Variants in FBXO4 observed in about 807,000 individuals in gnomAD.
FBXO4 encodes the protein F-box only protein 4.
A neutral mutation model predicts 43.7 loss-of-function variants in FBXO4; 36 were observed. The observed-to-expected ratio is 0.82, with a 90% confidence interval of 0.63 to 1.09. The LOEUF (loss-of-function observed/expected upper bound fraction) is 1.09, where lower values mean the gene tolerates loss of function less well. Ranked by LOEUF, FBXO4 falls within the 50% of genes least tolerant of loss-of-function variation. The probability of loss-of-function intolerance (pLI) is 0.00; values close to 1 mark genes in which losing one functional copy is unlikely to be tolerated. For missense variants in FBXO4, 435 were observed against 474.1 expected, an observed-to-expected ratio of 0.92 and a Z score of 0.77; for synonymous variants, 180 against 165.6, an observed-to-expected ratio of 1.09 and a Z score of -0.67.
At chr5:41,996,862 C>T in the FBXO4 span, among the ~76,000 whole-genome samples, 1 of 152,184 alleles carries the variant, frequency 6.6e-6, no homozygotes, top group South Asian at 2.1e-4. Context: ...AGATTTATTT[C>T]CCATCCTCTG....
At chr5:41,939,142 G>A (rs1751930304) in intron 5 of FBXO4, among the ~76,000 whole-genome samples, 2 of 152,166 alleles carry the variant, frequency 1.3e-5, no homozygotes, top group South Asian at 2.1e-4. Context: ...CCAATAGAAG[G>A]TTGAGATTGT....
intron 3 of FBXO4, among the ~76,000 whole-genome samples, chr5:41,932,871 G>GAACCAGCC (rs1309706800): frequency 1.6e-4 from 25 of 152,170 alleles, no homozygotes; most frequent in Non-Finnish European, 3.1e-4. Context: ...GGCAAAAGGA[G>GAACCAGCC]AACCAGCCAC....
the FBXO4 span, among the ~76,000 whole-genome samples, chr5:42,025,041 A>G: frequency 5.3e-5 from 8 of 151,588 alleles, no homozygotes; most frequent in Non-Finnish European, 2.9e-5. Flanking sequence ...CAATATATTG[A>G]TTTTCTTTCT....
the FBXO4 span, among the ~76,000 whole-genome samples, chr5:41,962,907 C>A: frequency 6.6e-6 from 1 of 152,130 alleles, no homozygotes; most frequent in Non-Finnish European, 1.5e-5. Flanking sequence ...AGCTTTCTCC[C>A]TTTTCCACTG....
the FBXO4 span, among the ~76,000 whole-genome samples, chr5:42,002,271 T>C: frequency 0.013 from 2,042 of 152,306 alleles, 53 homozygotes; most frequent in African/African-American, 0.047. Flanking sequence ...CAGAGGGTCG[T>C]TGTGCACACA....
the FBXO4 span, among the ~76,000 whole-genome samples, chr5:41,963,232 A>G: frequency 6.6e-6 from 1 of 151,686 alleles, no homozygotes; most frequent in Non-Finnish European, 1.5e-5. Context: ...CACATAATAT[A>G]TATGCTATAT....
the FBXO4 span, among the ~76,000 whole-genome samples, chr5:41,986,536 T>C: frequency 2.0e-5 from 3 of 152,144 alleles, no homozygotes; most frequent in African/African-American, 7.2e-5. Context: ...TCAATGAGGT[T>C]TAGGACAAAG....
the FBXO4 span, among the ~76,000 whole-genome samples, chr5:41,971,096 G>A: frequency 4.7e-4 from 71 of 151,994 alleles, 1 homozygote; most frequent in East Asian, 0.011. Flanking sequence ...CATAGTCTCA[G>A]CAGTAGATGA....
At chr5:42,009,376 T>C in the FBXO4 span, among the ~76,000 whole-genome samples, 4 of 8,252 alleles carry the variant, frequency 4.8e-4, no homozygotes, top group African/African-American at 1.5e-3. Flanking sequence ...TGTGTGTGTA[T>C]GTGTGTGTGT....
At chr5:42,001,987 G>A in the FBXO4 span, among the ~76,000 whole-genome samples, 5 of 152,180 alleles carry the variant, frequency 3.3e-5, no homozygotes, top group African/African-American at 1.2e-4. Context: ...GAGCCACTGT[G>A]CCCAGCCACC....
At chr5:41,988,952 C>T in the FBXO4 span, among the ~76,000 whole-genome samples, 1 of 152,178 alleles carries the variant, frequency 6.6e-6, no homozygotes, top group Non-Finnish European at 1.5e-5. Context: ...CACTTAACCA[C>T]AAATGACAGA....
the FBXO4 span, among the ~76,000 whole-genome samples, chr5:42,039,729 C>T: frequency 0.039 from 5,993 of 152,046 alleles, 422 homozygotes; most frequent in African/African-American, 0.14. Flanking sequence ...TTACCTTATA[C>T]GGCAAAGGTG....
chr5:41,951,247 G>T, the FBXO4 span: 1 of 157,448 alleles, frequency 6.4e-6, no homozygotes, highest in South Asian at 1.8e-4. Flanking sequence ...AGGAGAAACT[G>T]ATGATTTTTT....
At chr5:41,993,617 G>GAATATATATATATATATATATATATA in the FBXO4 span, among the ~76,000 whole-genome samples, 1 of 93,278 alleles carries the variant, frequency 1.1e-5, no homozygotes, top group Non-Finnish European at 2.0e-5. Context: ...AGAACTAATA[G>GAATATATATATATATATATATATATA]GATATATATA....
chr5:42,013,314 T>C, the FBXO4 span, among the ~76,000 whole-genome samples: 4 of 152,172 alleles, frequency 2.6e-5, no homozygotes, highest in African/African-American at 9.7e-5. Context: ...AAGGTTTCTA[T>C]AGCCATTCAA....
chr5:41,996,756 G>A, the FBXO4 span, among the ~76,000 whole-genome samples: 1 of 148,060 alleles, frequency 6.8e-6, no homozygotes, highest in South Asian at 2.1e-4. Flanking sequence ...GCCACATGCA[G>A]CAACTTATCC....
chr5:41,991,357 C>T, the FBXO4 span, among the ~76,000 whole-genome samples: 1 of 152,202 alleles, frequency 6.6e-6, no homozygotes, highest in Non-Finnish European at 1.5e-5. Flanking sequence ...CTTGAATCTA[C>T]TCCTAACCTA....
chr5:41,939,305 A>C (rs1751934580), intron 5 of FBXO4, 136 bp from the exon 6 acceptor site: 1 of 701,116 alleles, frequency 1.4e-6, no homozygotes, highest in African/African-American at 1.8e-5. Context: ...TCTGAAGAGT[A>C]CTGTGATTTT....
At chr5:41,949,619 C>T in the FBXO4 span, among the ~76,000 whole-genome samples, 5 of 152,070 alleles carry the variant, frequency 3.3e-5, no homozygotes, top group African/African-American at 1.2e-4. Context: ...GAATCAATAT[C>T]GTGAAAATGG....
Sources: allele counts gnomAD v4.1 joint callset (sites outside exome capture counted in the v4.1 genomes callset), GRCh38; gene constraint gnomAD v4.1.1; transcripts MANE v1.5; gene names NCBI Gene and HGNC (gene_info 2026-07-23, HGNC 2026-07-21).